Variants in ARHGAP15 observed in about 807,000 individuals in gnomAD.
The protein encoded by ARHGAP15 is Rho GTPase activating protein 15, also known as rho GTPase-activating protein 15.
A neutral mutation model predicts 63.7 loss-of-function variants in ARHGAP15; 51 were observed. The ratio of observed to expected loss-of-function variants is 0.80; its 90% CI spans 0.64 to 1.01. The LOEUF is 1.01. Among genes scored for constraint, ARHGAP15 ranks in the 50% least tolerant of loss-of-function variants. ARHGAP15 has a pLI of 0.00. For missense variants in ARHGAP15, 560 were observed against 564.6 expected, an observed-to-expected ratio of 0.99 and a Z score of 0.08; for synonymous variants, 191 against 193.8, an observed-to-expected ratio of 0.99 and a Z score of 0.12.
chr2:143,187,050 A>G (rs1250839566), intron 2 of ARHGAP15, among the ~76,000 whole-genome samples: 1 of 152,204 alleles, frequency 6.6e-6, no homozygotes, highest in African/African-American at 2.4e-5. Flanking sequence ...CCAAGGATCT[A>G]GTGGCCCCTC....
At chr2:143,222,098 T>C (rs376595079) in intron 4 of ARHGAP15, among the ~76,000 whole-genome samples, 1 of 152,222 alleles carries the variant, frequency 6.6e-6, no homozygotes, top group South Asian at 2.1e-4. Context: ...TGGGTATTTT[T>C]ACACCTCAGT....
At chr2:143,539,419 T>C (rs1304901326) in intron 10 of ARHGAP15, among the ~76,000 whole-genome samples, 1 of 152,198 alleles carries the variant, frequency 6.6e-6, no homozygotes, top group Non-Finnish European at 1.5e-5. Flanking sequence ...TGCCTTCTGC[T>C]AGCTTTTGGA....
At chr2:143,600,531 T>C (rs927134206) in intron 11 of ARHGAP15, among the ~76,000 whole-genome samples, 2 of 152,198 alleles carry the variant, frequency 1.3e-5, no homozygotes, top group African/African-American at 4.8e-5. Flanking sequence ...CAACATTTAA[T>C]TCAGCCAACA....
intron 6 of ARHGAP15, among the ~76,000 whole-genome samples, chr2:143,407,108 T>C (rs1056903919): frequency 2.0e-5 from 3 of 151,974 alleles, no homozygotes; most frequent in African/African-American, 7.2e-5. Flanking sequence ...CTTATCCCTA[T>C]TATATCTTTT....
At chr2:143,564,836 A>G (rs1407904030) in intron 11 of ARHGAP15, among the ~76,000 whole-genome samples, 2 of 152,184 alleles carry the variant, frequency 1.3e-5, no homozygotes, top group Non-Finnish European at 2.9e-5. Flanking sequence ...TCCTTTTCCA[A>G]TGTTGTGAGT....
chr2:143,149,271 C>T lies in ARHGAP15; in HGVS notation c.-14-6206C>T, dbSNP rs561195779. 7.2e-5 allele frequency among the ~76,000 whole-genome samples: 11 copies of T among 152,072 alleles called. No homozygotes were observed. The East Asian group carries it at 1.8e-3, about 24-fold the overall frequency. On this transcript the variant is annotated intron_variant, in intron 1 of 13. Transcript: ENST00000295095. Reference sequence around the variant, plus strand: ...CTCCTCGTGGTGGACCTTCGCTCCTCGTGGTGGATGTGCTAAATATACAGC... The same window carrying T: ...CTCCTCGTGGTGGACCTTCGCTCCTTGTGGTGGATGTGCTAAATATACAGC...
intron 6 of ARHGAP15, among the ~76,000 whole-genome samples, chr2:143,300,110 C>CTAT (rs1682828032): frequency 1.3e-5 from 2 of 151,846 alleles, no homozygotes; most frequent in South Asian, 4.1e-4. Context: ...ACTATAAAAC[C>CTAT]TATTCAAAGG....
intron 12 of ARHGAP15, among the ~76,000 whole-genome samples, chr2:143,635,999 C>G (rs1680292172): frequency 1.3e-5 from 2 of 152,072 alleles, no homozygotes; most frequent in African/African-American, 4.8e-5. Flanking sequence ...AATTGGAATT[C>G]TAAAAGATCA....
chr2:143,589,933 C>T (rs1369570758), intron 11 of ARHGAP15, among the ~76,000 whole-genome samples: 1 of 152,048 alleles, frequency 6.6e-6, no homozygotes, highest in East Asian at 1.9e-4. Context: ...TCAGCAAGAC[C>T]GATTTTGGCA....
At chr2:143,504,921 C>A (rs1693235815) in intron 9 of ARHGAP15, among the ~76,000 whole-genome samples, 1 of 152,160 alleles carries the variant, frequency 6.6e-6, no homozygotes, top group South Asian at 2.1e-4. Context: ...TCCACTTTGT[C>A]TTCAAAGGAA....
At chr2:143,553,308 G>A (rs191297909) in intron 10 of ARHGAP15, among the ~76,000 whole-genome samples, 28 of 152,196 alleles carry the variant, frequency 1.8e-4, no homozygotes, top group African/African-American at 2.9e-4. Context: ...TATGATAGCC[G>A]GAGAGCATGA....
chr2:143,339,596 C>T (rs1420366062), intron 6 of ARHGAP15, among the ~76,000 whole-genome samples: 1 of 152,050 alleles, frequency 6.6e-6, no homozygotes, highest in Non-Finnish European at 1.5e-5. Context: ...GCAGCGAGGC[C>T]ACCAAAAGAA....
At chr2:143,471,285 T>G (rs1225399223) in intron 8 of ARHGAP15, among the ~76,000 whole-genome samples, 1 of 150,906 alleles carries the variant, frequency 6.6e-6, no homozygotes, top group Non-Finnish European at 1.5e-5. Flanking sequence ...GAGCATGCAT[T>G]TATTTTTGTT....
At position 143,768,218 on chromosome 2, in the gene ARHGAP15, T is replaced by A. The variant is rs1198059955; in HGVS notation, c.*46T>A. 6.8e-7 allele frequency: 1 copy of A among 1,469,892 alleles called. No homozygotes were observed. Among genetic ancestry groups the A allele is most frequent in the Non-Finnish European group, 9.1e-7 (1 of 1,097,056 alleles). 91.1% of individuals were successfully genotyped at this position (1,469,892 alleles called of 1,614,324 possible). ...ATACGTTCACATCTGTCTTGATGCC[T>A]AATATTTTTACATTTCTGTAAACAT... On this transcript the variant is annotated 3_prime_UTR_variant, in exon 14 of 14. Coordinates refer to ENST00000295095, the MANE Select transcript of ARHGAP15 (RefSeq NM_018460.4).
Position 143,743,706 on chromosome 2 carries a change from A to G in ARHGAP15, c.1245-24283A>G, listed in dbSNP as rs116531391. On this transcript the variant is annotated intron_variant, in intron 13 of 13. Transcript: ENST00000295095. ...CAGATCTTTCAGCTTGGTATAAAAC[A>G]TATCAAGGGGATATCTGGTTAGAAG... is the stretch of plus-strand genomic sequence containing the variant. 9.4e-3 allele frequency among the ~76,000 whole-genome samples: 1,439 copies of G among 152,286 alleles called. 14 individuals are homozygous for G. Among genetic ancestry groups the G allele is most frequent in the Middle Eastern group, 0.034 (10 of 294 alleles).
chr2:143,168,604 T>C (rs952057648), intron 2 of ARHGAP15, among the ~76,000 whole-genome samples: 4 of 149,862 alleles, frequency 2.7e-5, no homozygotes, highest in African/African-American at 9.7e-5. Flanking sequence ...AAGTTTTAAA[T>C]ACTCTGTTTA....
intron 8 of ARHGAP15, among the ~76,000 whole-genome samples, chr2:143,461,640 GA>G (rs1690945750): frequency 6.6e-6 from 1 of 152,108 alleles, no homozygotes; most frequent in Admixed American, 6.6e-5. Flanking sequence ...AATTTATCAG[GA>G]AAATGTTTAA....
intron 11 of ARHGAP15, among the ~76,000 whole-genome samples, chr2:143,578,453 G>T (rs1330780446): frequency 3.9e-5 from 6 of 152,114 alleles, no homozygotes; most frequent in Non-Finnish European, 7.4e-5. Flanking sequence ...TGAAAATCTT[G>T]CCAAGACCTG....
chr2:143,542,119 T>C (rs1456859691), intron 10 of ARHGAP15, among the ~76,000 whole-genome samples: 12 of 152,176 alleles, frequency 7.9e-5, no homozygotes, highest in Non-Finnish European at 1.8e-4. Context: ...TGCAGTTTGA[T>C]CTCAGAATGC....
Sources: gnomAD v4.1 joint callset for allele counts (sites outside exome capture counted in the v4.1 genomes callset) on GRCh38, gnomAD v4.1.1 for gene constraint, MANE v1.5 for transcripts, NCBI Gene and HGNC (gene_info 2026-07-23, HGNC 2026-07-21) for gene names.